ETS1: variants seen among roughly 807,000 people sequenced by gnomAD.
ETS1 encodes the protein ETS proto-oncogene 1, transcription factor, also known as protein C-ets-1.
A neutral mutation model predicts 58.6 loss-of-function variants in ETS1; 15 were observed. The ratio of observed to expected loss-of-function variants is 0.26; its 90% CI spans 0.17 to 0.39. The LOEUF is 0.39. ETS1 is among the 10% of genes least tolerant of loss of function. ETS1 has a pLI of 1.00. For missense variants in ETS1, 417 were observed against 610.5 expected (o/e 0.68, Z 3.34); for synonymous variants, 214 against 218.2 (o/e 0.98, Z 0.17).
intron 3 of ETS1, 103 bp from the exon 4 acceptor site, chr11:128,490,679 G>T: frequency 1.2e-6 from 1 of 819,090 alleles, no homozygotes; most frequent in Non-Finnish European, 2.0e-6. Flanking sequence ...AGAAACAACT[G>T]TGCTAGCATC....
chr11:128,487,571 T>C (rs1862669270), intron 5 of ETS1, among the ~76,000 whole-genome samples: 1 of 152,038 alleles, frequency 6.6e-6, no homozygotes, highest in Admixed American at 6.6e-5. Flanking sequence ...AAGCCCTGAC[T>C]CTACTAAAAA....
intron 3 of ETS1, among the ~76,000 whole-genome samples, chr11:128,530,579 C>T (rs1208871198): frequency 6.6e-6 from 1 of 152,102 alleles, no homozygotes; most frequent in East Asian, 1.9e-4. Flanking sequence ...GTGTTCTCCC[C>T]AGATTGGGAA....
intron 8 of ETS1, among the ~76,000 whole-genome samples, chr11:128,469,548 C>G (rs1276782449): frequency 2.0e-5 from 3 of 152,338 alleles, no homozygotes. Context: ...TCTGTCAACC[C>G]TCTTCTAAAT....
At chr11:128,583,680 A>T (rs891548728) in intron 1 of ETS1, among the ~76,000 whole-genome samples, 1 of 152,216 alleles carries the variant, frequency 6.6e-6, no homozygotes, top group Admixed American at 6.5e-5. Context: ...CTCTAAAAAG[A>T]CCAAAATTCT....
intron 3 of ETS1, among the ~76,000 whole-genome samples, chr11:128,506,652 G>A (rs1269298224): frequency 6.6e-6 from 1 of 152,024 alleles, no homozygotes. Flanking sequence ...TTACTGAAAG[G>A]GAAGACGAGA....
intron 2 of ETS1, among the ~76,000 whole-genome samples, chr11:128,566,042 A>G (rs909198691): frequency 1.3e-5 from 2 of 152,220 alleles, no homozygotes; most frequent in African/African-American, 4.8e-5. Context: ...CAATTACTCA[A>G]GATAAGAAAA....
chr11:128,501,324 C>A (rs1377120215), intron 3 of ETS1, among the ~76,000 whole-genome samples: 3 of 152,138 alleles, frequency 2.0e-5, no homozygotes, highest in Non-Finnish European at 4.4e-5. Flanking sequence ...CTGGTGCAGA[C>A]TAAGACAACA....
At chr11:128,566,987 G>A (rs1032164802) in intron 2 of ETS1, among the ~76,000 whole-genome samples, 1 of 152,188 alleles carries the variant, frequency 6.6e-6, no homozygotes, top group Non-Finnish European at 1.5e-5. Context: ...AGGGCCTGAA[G>A]GTGGAAATAG....
At chr11:128,583,933 T>C (rs11221365) in intron 1 of ETS1, among the ~76,000 whole-genome samples, 10,494 of 152,260 alleles carry the variant, frequency 0.069, 526 homozygotes, top group South Asian at 0.14. Flanking sequence ...CTAGATACCA[T>C]TTTTTTCTAC....
chr11:128,516,826 ACT>A (rs1284381948), intron 3 of ETS1, among the ~76,000 whole-genome samples: 3 of 152,228 alleles, frequency 2.0e-5, no homozygotes, highest in Non-Finnish European at 4.4e-5. Context: ...TTAAATTTTA[ACT>A]GCCTTAAGAA....
At chr11:128,538,222 A>C (rs995132209) in intron 3 of ETS1, among the ~76,000 whole-genome samples, 1 of 152,218 alleles carries the variant, frequency 6.6e-6, no homozygotes, top group Admixed American at 6.5e-5. Flanking sequence ...TATCCTAGAA[A>C]AGTCTACTGA....
chr11:128,579,128 T>C (rs1864811095), intron 1 of ETS1, among the ~76,000 whole-genome samples: 1 of 152,212 alleles, frequency 6.6e-6, no homozygotes. Flanking sequence ...CAATGAATTA[T>C]GGTTAAAACA....
intron 3 of ETS1, among the ~76,000 whole-genome samples, chr11:128,499,757 G>C (rs1223948714): frequency 6.6e-6 from 1 of 152,162 alleles, no homozygotes; most frequent in Admixed American, 6.5e-5. Context: ...AACTGGCCTG[G>C]TCAAACCTCG....
rs954275526 is a variant in ETS1 at position 128,459,633 on chromosome 11, T to C, written c.*2728A>G. The C allele has an allele frequency of 6.5e-6, 1 of 152,822 alleles. No individual in the cohort carries two copies. The highest frequency in any genetic ancestry group is 1.5e-5 in the Non-Finnish European group (1 of 68,052). The allele number at this position is 152,822 out of a possible 1,614,324, so 9.5% of individuals were successfully genotyped here. ...AGTTAACGTGTGTTTTTAAAAAGCA[T>C]AAACGCAACATTTCCAGTGTATAAA... On this transcript the variant is annotated 3_prime_UTR_variant, in exon 10 of 10. Coordinates refer to ENST00000392668, the MANE Select transcript of ETS1 (RefSeq NM_001143820.2).
At chr11:128,497,041 G>A (rs1052778973) in intron 3 of ETS1, among the ~76,000 whole-genome samples, 3 of 152,166 alleles carry the variant, frequency 2.0e-5, no homozygotes, top group Non-Finnish European at 2.9e-5. Context: ...GACACTATGA[G>A]ACCTGGAAGA....
intron 1 of ETS1, among the ~76,000 whole-genome samples, chr11:128,576,078 A>G (rs1864740687): frequency 6.6e-6 from 1 of 152,218 alleles, no homozygotes; most frequent in Non-Finnish European, 1.5e-5. Context: ...TGTATTCTTG[A>G]AGCTATGACT....
intron 3 of ETS1, among the ~76,000 whole-genome samples, chr11:128,531,015 A>G (rs1863889087): frequency 6.6e-6 from 1 of 152,196 alleles, no homozygotes; most frequent in African/African-American, 2.4e-5. Flanking sequence ...AGGCTATTGC[A>G]AATAAGTGTT....
At chr11:128,486,172 C>G (rs775847724) in intron 5 of ETS1, 26 bp from the exon 6 acceptor site, 2 of 1,414,440 alleles carry the variant, frequency 1.4e-6, no homozygotes, top group South Asian at 2.3e-5. Context: ...AGGGAAGGAA[C>G]AAAGAGGTCA....
intron 8 of ETS1, among the ~76,000 whole-genome samples, chr11:128,469,449 A>C (rs1862125871): frequency 6.6e-6 from 1 of 152,166 alleles, no homozygotes; most frequent in African/African-American, 2.4e-5. Context: ...ATCTGTTCAC[A>C]AGTGTATCAA....
Sources: gnomAD v4.1 joint callset for allele counts (sites outside exome capture counted in the v4.1 genomes callset) on GRCh38, gnomAD v4.1.1 for gene constraint, MANE v1.5 for transcripts, NCBI Gene and HGNC (gene_info 2026-07-23, HGNC 2026-07-21) for gene names.